Variants in MAST4 observed in about 807,000 individuals in gnomAD.
The protein encoded by MAST4 is microtubule-associated serine/threonine-protein kinase 4.
Under a neutral mutation model 162.7 loss-of-function variants are expected in MAST4, and 89 were observed. The ratio of observed to expected loss-of-function variants is 0.55; its 90% CI spans 0.46 to 0.65. The LOEUF (loss-of-function observed/expected upper bound fraction) is 0.65, where lower values mean the gene tolerates loss of function less well. Among genes scored for constraint, MAST4 ranks in the 30% least tolerant of loss-of-function variants. MAST4 has a pLI of 0.00. For synonymous variants in MAST4, 1,479 were observed against 1,361.1 expected (o/e 1.09, Z -1.91); for missense variants, 3,153 against 3,374.0 (o/e 0.93, Z 1.62).
chr5:66,605,922 G>A (rs1164742604), intron 1 of MAST4, among the ~76,000 whole-genome samples: 1 of 152,198 alleles, frequency 6.6e-6, no homozygotes, highest in African/African-American at 2.4e-5. Context: ...GTGAGCAGCA[G>A]CCTGAGGGCA....
At chr5:66,749,729 T>C (rs1753017152) in intron 1 of MAST4, among the ~76,000 whole-genome samples, 1 of 152,232 alleles carries the variant, frequency 6.6e-6, no homozygotes, top group Non-Finnish European at 1.5e-5. Context: ...TAGATATTTA[T>C]TGTTACTAAC....
At chr5:66,677,304 C>A (rs1748011614) in intron 1 of MAST4, among the ~76,000 whole-genome samples, 1 of 152,178 alleles carries the variant, frequency 6.6e-6, no homozygotes, top group Admixed American at 6.5e-5. Context: ...CAACGGCAAT[C>A]ACCAGAAACT....
chr5:66,618,825 A>T (rs1292590371), intron 1 of MAST4, among the ~76,000 whole-genome samples: 4 of 151,960 alleles, frequency 2.6e-5, no homozygotes, highest in Non-Finnish European at 2.9e-5. Context: ...TTTCTGACTT[A>T]ATTTTGCTGA....
At chr5:66,771,351 A>C (rs1157363890) in intron 2 of MAST4, among the ~76,000 whole-genome samples, 1 of 151,602 alleles carries the variant, frequency 6.6e-6, no homozygotes, top group Non-Finnish European at 1.5e-5. Context: ...CACCCGGCTA[A>C]TTTTTTTTGT....
chr5:67,153,357 T>G, intron 25 of MAST4, 101 bp from the exon 26 acceptor site: 1 of 1,246,542 alleles, frequency 8.0e-7, no homozygotes, highest in Non-Finnish European at 1.1e-6. Flanking sequence ...ATTAGAGGCT[T>G]AGGACATTTG....
intron 3 of MAST4, among the ~76,000 whole-genome samples, chr5:66,818,977 G>A (rs573318013): frequency 2.6e-5 from 4 of 152,278 alleles, no homozygotes; most frequent in South Asian, 2.1e-4. Context: ...TCTGGAGCCC[G>A]TTTTGTGTTA....
Position 67,166,718 on chromosome 5 carries a change from C to T in MAST4, c.7539C>T (p.Thr2513=). The change falls in exon 29 of 29, where the codon ACC becomes ACT. Residue 2513 remains threonine, a synonymous_variant. Transcript: ENST00000403625. ...CTCAGCCTGCCGGGGAGGGCCGAACCCACATGACAAAGAGTGACTCCCTGC... is the reference window on the plus strand; with the variant it reads ...CTCAGCCTGCCGGGGAGGGCCGAACTCACATGACAAAGAGTGACTCCCTGC... ...RKAQPAGEGR[T]HMTKSDSLPS... is the part of the protein sequence containing the mutation. The T allele has an allele frequency of 6.3e-7, 1 of 1,590,040 alleles. No homozygotes were observed. The highest frequency in any genetic ancestry group is 8.6e-7 in the Non-Finnish European group (1 of 1,168,436).
At chr5:66,647,007 C>A (rs1036207514) in intron 1 of MAST4, among the ~76,000 whole-genome samples, 2 of 152,090 alleles carry the variant, frequency 1.3e-5, no homozygotes, top group Non-Finnish European at 2.9e-5. Context: ...TGGATATATG[C>A]CCTCTGCTTC....
At chr5:67,128,062 C>A (rs1033240398) in intron 14 of MAST4, among the ~76,000 whole-genome samples, 2 of 151,972 alleles carry the variant, frequency 1.3e-5, no homozygotes, top group Admixed American at 6.6e-5. Context: ...TTTTTTTCAA[C>A]TTTTGCAAAT....
chr5:66,759,781 G>C lies in MAST4; in HGVS notation c.436G>C (p.Gly146Arg). The C allele has an allele frequency of 6.2e-7, 1 of 1,613,890 alleles. No individual in the cohort carries two copies. Among genetic ancestry groups the C allele is most frequent in the East Asian group, 2.2e-5 (1 of 44,876 alleles). ...CAACCCAGATGTGGCTTCTGGCCCT[G>C]GAAAATCACTGAAGTATAAAAGACA... ...CSNPDVASGP[G>R]KSLKYKRQLS... The change falls in exon 2 of 29, where the codon GGA (glycine) becomes CGA (arginine). Residue 146 changes from glycine to arginine, a missense_variant. Around this residue, in one of 7 missense-constraint regions of MAST4, gnomAD observed 327 missense variants for 336.5 expected, o/e 0.97. Transcript: ENST00000403625.
chr5:66,749,195 G>C (rs970531617), intron 1 of MAST4, among the ~76,000 whole-genome samples: 1 of 152,068 alleles, frequency 6.6e-6, no homozygotes, highest in African/African-American at 2.4e-5. Context: ...CTGTGTGCCA[G>C]CTCTTTTCAT....
intron 18 of MAST4, among the ~76,000 whole-genome samples, chr5:67,135,003 A>T (rs1269192359): frequency 6.6e-6 from 1 of 152,222 alleles, no homozygotes; most frequent in East Asian, 1.9e-4. Flanking sequence ...ATTGCCGTCC[A>T]GTCTTCCTTT....
At chr5:66,732,336 C>G (rs1751905659) in intron 1 of MAST4, among the ~76,000 whole-genome samples, 1 of 152,132 alleles carries the variant, frequency 6.6e-6, no homozygotes, top group Non-Finnish European at 1.5e-5. Context: ...CCCCATTCAT[C>G]ATTTCTTCTA....
intron 3 of MAST4, among the ~76,000 whole-genome samples, chr5:66,898,248 G>T (rs1392039380): frequency 6.6e-6 from 1 of 152,066 alleles, no homozygotes; most frequent in East Asian, 1.9e-4. Context: ...AGGAGTTTGA[G>T]ATCAGCTTGG....
In MAST4 at chr5:66,612,003, A is replaced by T. The variant is rs750516502; in HGVS notation, c.363+14985A>T. Among the ~76,000 whole-genome samples, 100 of 152,324 alleles carry T rather than the reference A, an allele frequency of 6.6e-4. 1 individual carries two copies. Among genetic ancestry groups the T allele is most frequent in the Non-Finnish European group, 1.9e-4 (13 of 68,034 alleles). On this transcript the variant is annotated intron_variant, in intron 1 of 28. Coordinates refer to ENST00000403625, the MANE Select transcript of MAST4 (RefSeq NM_001164664.2). ...CTGTTAGATCTTGGGCAGTCAGAAT[A>T]ATTTGAATTTTGAGGGGAAGCTTTA...
At chr5:66,769,384 A>C (rs537667894) in intron 2 of MAST4, among the ~76,000 whole-genome samples, 1 of 152,290 alleles carries the variant, frequency 6.6e-6, no homozygotes, top group African/African-American at 2.4e-5. Flanking sequence ...AGTGAGCAGC[A>C]GGTGGACTGA....
intron 3 of MAST4, among the ~76,000 whole-genome samples, chr5:66,836,405 A>G (rs1757971651): frequency 1.3e-5 from 2 of 152,166 alleles, no homozygotes; most frequent in African/African-American, 4.8e-5. Flanking sequence ...TAAGAATTTA[A>G]AATAGAACTA....
rs528114119 is a variant in MAST4, at chr5:66,605,196, G to A, written c.363+8178G>A. ...TGAAATAACCTGAGCCCTCACCTAG[G>A]CTTCATTTGAAGAGTGGCTCTGAGG... On this transcript the variant is annotated intron_variant, in intron 1 of 28. Coordinates refer to ENST00000403625, the MANE Select transcript of MAST4 (RefSeq NM_001164664.2). 1.1e-4 allele frequency among the ~76,000 whole-genome samples: 16 copies of A among 152,260 alleles called. 1 individual carries two copies. The highest frequency in any genetic ancestry group is 9.8e-4 in the Admixed American group (15 of 15,304).
intron 4 of MAST4, among the ~76,000 whole-genome samples, chr5:66,926,528 C>T (rs1644331659): frequency 6.6e-6 from 1 of 151,842 alleles, no homozygotes; most frequent in Non-Finnish European, 1.5e-5. Context: ...GCCTGGGTGA[C>T]AGAGCAAGAC....
Sources: gnomAD v4.1 joint callset for allele counts (sites outside exome capture counted in the v4.1 genomes callset) on GRCh38, gnomAD v4.1.1 for gene constraint, gnomAD v4.1.1 regional missense constraint, MANE v1.5 for transcripts, NCBI Gene and HGNC (gene_info 2026-07-23, HGNC 2026-07-21) for gene names.